Variants in PRTG observed in about 807,000 individuals in gnomAD.
The protein encoded by PRTG is protogenin.
In PRTG, 67 loss-of-function variants were observed where a neutral mutation model predicts 122.5. The observed-to-expected ratio is 0.55, with a 90% CI of 0.45 to 0.67. The LOEUF (loss-of-function observed/expected upper bound fraction) is 0.67, where lower values mean the gene tolerates loss of function less well. Ranked by LOEUF, PRTG falls within the 30% of genes least tolerant of loss-of-function variation. The pLI is 0.00. For synonymous variants in PRTG, 554 were observed against 501.1 expected, an observed-to-expected ratio of 1.11 and a Z score of -1.41; for missense variants, 1,435 against 1,415.4, an observed-to-expected ratio of 1.01 and a Z score of -0.22.
chr15:55,627,411 A>G (rs1451135666), intron 16 of PRTG, among the ~76,000 whole-genome samples: 2 of 148,908 alleles, frequency 1.3e-5, no homozygotes, highest in Admixed American at 6.8e-5. Flanking sequence ...GCAAGCTCCA[A>G]CTCCCGGGTT....
Position 55,637,201 on chromosome 15 carries a change from A to G in PRTG, c.2592T>C (p.Ile864=), listed in dbSNP as rs2141730446. The stretch of plus-strand genomic sequence containing the variant: ...GGTGTAAGACCTGCCACTCTCCTGC[A>G]ATCCAGGCCTTCCTAGATGCATATA... The part of the protein sequence containing the change: ...TILYASRKAW[I]AGEWQVLHRE... Residue 864 remains isoleucine, a synonymous_variant, in exon 15 of 20, where the codon ATT becomes ATC. Coordinates refer to ENST00000389286, the MANE Select transcript of PRTG (RefSeq NM_173814.6). 6.2e-7 allele frequency: 1 copy of G among 1,607,724 alleles called. No homozygotes were observed. Among genetic ancestry groups the G allele is most frequent in the Non-Finnish European group, 8.5e-7 (1 of 1,177,276 alleles).
In PRTG at chr15:55,624,386, A is replaced by T. The variant is rs375437286; in HGVS notation, c.3049T>A (p.Ser1017Thr). The change falls in exon 18 of 20, where the codon TCT (serine) becomes ACT (threonine). Residue 1017 changes from serine to threonine, a missense_variant. Transcript: ENST00000389286. Reference sequence around the variant, plus strand: ...TTTGGCATGATCATTGGCATTAAAGATTCTTCATTTCCTACAGCTCCTTCC... The same window carrying T: ...TTTGGCATGATCATTGGCATTAAAGTTTCTTCATTTCCTACAGCTCCTTCC... ...NLEGAVGNEE[S>T]LMPMIMPNSF... 2.5e-5 allele frequency: 40 copies of T among 1,614,124 alleles called. No individual in the cohort carries two copies. The African/African-American group carries it at 3.6e-4, about 15-fold the overall frequency.
Position 55,680,565 on chromosome 15 carries a change from G to C in PRTG, c.740C>G (p.Ser247Cys). ...IIAGPQNITT[S>C]LHQTVVLECM... The stretch of plus-strand genomic sequence containing the variant: ...TTCCAAAACTACAGTCTGATGAAGA[G>C]ATGTTGTTATGTTCTGTGGACCTGC... Residue 247 changes from serine (S) to cysteine (C), a missense_variant, in exon 5 of 20, where the codon TCT becomes TGT. By Grantham distance (112) the Ser-to-Cys change is moderately radical. Coordinates refer to ENST00000389286, the MANE Select transcript of PRTG (RefSeq NM_173814.6). The C allele has an allele frequency of 3.1e-6, 5 of 1,601,636 alleles. No individual in the cohort carries two copies. The highest frequency in any genetic ancestry group is 4.5e-5 in the East Asian group (2 of 44,544).
In PRTG at chr15:55,679,919, C is replaced by T; in HGVS notation, c.973+135G>A. 8.7e-6 allele frequency: 6 copies of T among 691,710 alleles called. No individual in the cohort carries two copies. In the South Asian group the frequency reaches 1.4e-4, roughly 16 times the overall value. The allele number at this position is 691,710 out of a possible 1,614,324, so 42.8% of individuals were successfully genotyped here. A position where few individuals can be genotyped will look rare whatever the true frequency, so the allele number is the denominator to read the frequency against. On this transcript the variant is annotated intron_variant, in intron 6 of 19. Transcript: ENST00000389286. ...ATTTTAACATAAATATTTGTTTTTT[C>T]CTGAAATTCATCATTTGATTACAAT...
At chr15:55,644,467 C>T (rs1267974923) in intron 11 of PRTG, among the ~76,000 whole-genome samples, 1 of 152,148 alleles carries the variant, frequency 6.6e-6, no homozygotes, top group Non-Finnish European at 1.5e-5. Context: ...CAAGTTTTCC[C>T]TTCTTCCTTT....
chr15:55,640,007 T>C, intron 12 of PRTG, 179 bp from the exon 13 acceptor site: 2 of 969,974 alleles, frequency 2.1e-6, no homozygotes, highest in Non-Finnish European at 2.5e-6. Flanking sequence ...CCGTGAGTTA[T>C]ATAAGAAGTC....
intron 3 of PRTG, among the ~76,000 whole-genome samples, chr15:55,682,805 T>C (rs2059548112): frequency 6.6e-6 from 1 of 152,180 alleles, no homozygotes; most frequent in South Asian, 2.1e-4. Context: ...TCAAGTGATC[T>C]GCCCGCCTCG....
chr15:55,736,013 C>T (rs1381359144), intron 2 of PRTG, among the ~76,000 whole-genome samples: 1 of 152,080 alleles, frequency 6.6e-6, no homozygotes, highest in Non-Finnish European at 1.5e-5. Flanking sequence ...TGAAACACAC[C>T]TCCTCTTTTT....
rs1567076962 is a variant in PRTG, at chr15:55,635,074, G to GTGTGTGTGTGTGTGTGTGTGT, written c.2623+2095_2623+2096insACACACACACACACACACACA. Among the ~76,000 whole-genome samples the GTGTGTGTGTGTGTGTGTGTGT allele has an allele frequency of 4.6e-3, 629 of 135,380 alleles. 10 individuals are homozygous for GTGTGTGTGTGTGTGTGTGTGT. The highest frequency in any genetic ancestry group is 0.015 in the African/African-American group (514 of 34,258). 88.8% of individuals were successfully genotyped at this position (135,380 alleles called of 152,430 possible). ...GGGGAGCCCTCTGTTGTTGGTTCTG[G>GTGTGTGTGTGTGTGTGTGTGT]GTGTGTGTGTGTGTGTGTGTGTGTG... On this transcript the variant is annotated intron_variant, in intron 15 of 19. Transcript: ENST00000389286.
intron 2 of PRTG, among the ~76,000 whole-genome samples, chr15:55,700,306 C>G (rs148857318): frequency 6.6e-6 from 1 of 151,820 alleles, no homozygotes; most frequent in Non-Finnish European, 1.5e-5. Context: ...TTATACCTTA[C>G]GCAAAAAAAT....
intron 17 of PRTG, among the ~76,000 whole-genome samples, chr15:55,626,092 ATTCT>A (rs770355734): frequency 3.9e-5 from 6 of 152,092 alleles, no homozygotes; most frequent in African/African-American, 9.7e-5. Flanking sequence ...ACCAAAGGAT[ATTCT>A]TTCTGTTTCT....
chr15:55,717,706 A>C (rs1308318802), intron 2 of PRTG, among the ~76,000 whole-genome samples: 7 of 152,192 alleles, frequency 4.6e-5, no homozygotes, highest in Admixed American at 3.9e-4. Flanking sequence ...GTTTTGTTTT[A>C]CTTGCTTTAT....
intron 15 of PRTG, among the ~76,000 whole-genome samples, chr15:55,636,625 T>G (rs2059259108): frequency 6.6e-6 from 1 of 152,010 alleles, no homozygotes; most frequent in Admixed American, 6.6e-5. Flanking sequence ...TACTCTAATC[T>G]CCAGTTGGCC....
intron 17 of PRTG, among the ~76,000 whole-genome samples, chr15:55,625,399 A>G (rs2059189079): frequency 6.6e-6 from 1 of 152,118 alleles, no homozygotes; most frequent in Non-Finnish European, 1.5e-5. Context: ...GAAACAGAAA[A>G]TATTCCAGAT....
At chr15:55,666,542 A>G (rs1177136839) in intron 11 of PRTG, among the ~76,000 whole-genome samples, 1 of 152,204 alleles carries the variant, frequency 6.6e-6, no homozygotes, top group Non-Finnish European at 1.5e-5. Flanking sequence ...TTCAGGCCCC[A>G]CCCAAACCTA....
At chr15:55,664,646 T>C (rs2059428652) in intron 11 of PRTG, among the ~76,000 whole-genome samples, 1 of 152,042 alleles carries the variant, frequency 6.6e-6, no homozygotes, top group African/African-American at 2.4e-5. Context: ...TGGAGTGCAG[T>C]GATGCAAATG....
At chr15:55,637,571 C>A (rs533771464) in intron 14 of PRTG, among the ~76,000 whole-genome samples, 1 of 152,136 alleles carries the variant, frequency 6.6e-6, no homozygotes, top group Non-Finnish European at 1.5e-5. Context: ...TCTAAGTTAA[C>A]GGGATAGCAT....
At chr15:55,644,421 G>A (rs80351750) in intron 11 of PRTG, among the ~76,000 whole-genome samples, 3 of 152,048 alleles carry the variant, frequency 2.0e-5, no homozygotes, top group African/African-American at 7.2e-5. Flanking sequence ...TACATTCCTG[G>A]AATGGTTCCA....
At chr15:55,716,114 C>T (rs977801088) in intron 2 of PRTG, among the ~76,000 whole-genome samples, 2 of 152,104 alleles carry the variant, frequency 1.3e-5, no homozygotes, top group Non-Finnish European at 2.9e-5. Flanking sequence ...TGGTGGCACG[C>T]GCCACCTGCT....
Sources: gnomAD v4.1 joint callset for allele counts (sites outside exome capture counted in the v4.1 genomes callset) on GRCh38, gnomAD v4.1.1 for gene constraint, MANE v1.5 for transcripts, NCBI Gene and HGNC (gene_info 2026-07-23, HGNC 2026-07-21) for gene names.